The following CACNG4 variants were observed in gnomAD, a reference collection of about 807,000 sequenced individuals.
CACNG4 encodes calcium voltage-gated channel auxiliary subunit gamma 4.
CACNG4 carries 8 observed loss-of-function variants against 22.9 expected under a neutral mutation model. The ratio of observed to expected loss-of-function variants is 0.35; its 90% CI spans 0.21 to 0.63. The LOEUF (loss-of-function observed/expected upper bound fraction) is 0.63, where lower values mean the gene tolerates loss of function less well. Among genes scored for constraint, CACNG4 ranks in the 30% least tolerant of loss-of-function variants. The pLI, the probability that CACNG4 is intolerant of heterozygous loss-of-function variation, is 0.72. For synonymous variants in CACNG4, 188 were observed against 191.9 expected (o/e 0.98, Z 0.17); for missense variants, 357 against 455.4 (o/e 0.78, Z 1.97).
chr17:67,013,587 C>A (rs974153761), intron 1 of CACNG4, among the ~76,000 whole-genome samples: 1 of 151,942 alleles, frequency 6.6e-6, no homozygotes, highest in African/African-American at 2.4e-5. Flanking sequence ...GGTGGATCAC[C>A]TGAGGTCAGG....
chr17:66,989,693 G>C (rs574778660), intron 1 of CACNG4, among the ~76,000 whole-genome samples: 4 of 151,598 alleles, frequency 2.6e-5, no homozygotes, highest in Non-Finnish European at 5.9e-5. Flanking sequence ...CTCTCCAAGA[G>C]GGGGTAGCCT....
At chr17:67,004,088 G>T (rs145517486) in intron 1 of CACNG4, among the ~76,000 whole-genome samples, 1 of 152,118 alleles carries the variant, frequency 6.6e-6, no homozygotes, top group African/African-American at 2.4e-5. Context: ...GAGCTGTTTC[G>T]CCCTTTACAG....
In CACNG4 at chr17:67,027,025, A is replaced by G. The variant is rs1415378225; in HGVS notation, c.445+2025A>G. On this transcript the variant is annotated intron_variant, in intron 3 of 3. Transcript: ENST00000262138. The surrounding 1 kb of genome is among the most constrained non-coding windows in gnomAD (Gnocchi z 4.3). ...AACACTGCCCCAGAGCGTCCTCCCC[A>G]CGGCAGGGAGAGAATACTCCAGTCA... Among the ~76,000 whole-genome samples the G allele has an allele frequency of 6.6e-6, 1 of 151,944 alleles. No individual in the cohort carries two copies. The highest frequency in any genetic ancestry group is 6.5e-5 in the Admixed American group (1 of 15,268).
chr17:67,004,275 C>A (rs1488098393), intron 1 of CACNG4, among the ~76,000 whole-genome samples: 1 of 152,084 alleles, frequency 6.6e-6, no homozygotes, highest in Non-Finnish European at 1.5e-5. Context: ...AGAAAAGGAG[C>A]GGTTGGTTGG....
intron 1 of CACNG4, among the ~76,000 whole-genome samples, chr17:67,002,264 C>G (rs77361523): frequency 0.031 from 4,689 of 152,298 alleles, 230 homozygotes; most frequent in African/African-American, 0.11. Flanking sequence ...ATCTAATAGA[C>G]TTATTCACTA....
chr17:66,985,734 T>G (rs1422571636), intron 1 of CACNG4, among the ~76,000 whole-genome samples: 1 of 152,116 alleles, frequency 6.6e-6, no homozygotes, highest in African/African-American at 2.4e-5. Flanking sequence ...CTCAAAGAAA[T>G]CAGCGTCCAG....
intron 1 of CACNG4, among the ~76,000 whole-genome samples, chr17:66,965,452 C>T (rs1172570381): frequency 6.6e-6 from 1 of 151,228 alleles, no homozygotes; most frequent in Non-Finnish European, 1.5e-5. Flanking sequence ...AACTCAAGCA[C>T]GCGCGCGTAG....
rs919744450 is a variant in CACNG4 at position 67,027,157 on chromosome 17, T to C, written c.445+2157T>C. Among the ~76,000 whole-genome samples the C allele has an allele frequency of 1.6e-4, 24 of 152,116 alleles. 1 individual carries two copies. Among genetic ancestry groups the C allele is most frequent in the African/African-American group, 5.8e-4 (24 of 41,410 alleles). On this transcript the variant is annotated intron_variant, in intron 3 of 3. Transcript: ENST00000262138. The surrounding 1 kb of genome is among the most constrained non-coding windows in gnomAD (Gnocchi z 4.3). Reference sequence around the variant, plus strand: ...GGTCCAGCAGCTCAGGTGGCTTCCTTGAAGTCACACGCACAGTGGCAAAGA... The same window carrying C: ...GGTCCAGCAGCTCAGGTGGCTTCCTCGAAGTCACACGCACAGTGGCAAAGA...
chr17:66,964,803 C>T lies in CACNG4; in HGVS notation c.-109C>T. 2.7e-6 allele frequency: 1 copy of T among 371,228 alleles called. No individual in the cohort carries two copies. Among genetic ancestry groups the T allele is most frequent in the Non-Finnish European group, 3.7e-6 (1 of 272,910 alleles). 23.0% of individuals were successfully genotyped at this position (371,228 alleles called of 1,614,324 possible). A position where few individuals can be genotyped will look rare whatever the true frequency, so the allele number is the denominator to read the frequency against. On this transcript the variant is annotated 5_prime_UTR_variant, in exon 1 of 4. Coordinates refer to ENST00000262138, the MANE Select transcript of CACNG4 (RefSeq NM_014405.4). Reference sequence around the variant, plus strand: ...GAGCGCGCAGCGCGGCGCCGCCCCCCGGCCCTCGGCCCCCCAACCCCGGCG... The same window carrying T: ...GAGCGCGCAGCGCGGCGCCGCCCCCTGGCCCTCGGCCCCCCAACCCCGGCG...
chr17:66,989,987 C>A (rs1326711738), intron 1 of CACNG4, among the ~76,000 whole-genome samples: 3 of 152,208 alleles, frequency 2.0e-5, no homozygotes, highest in Admixed American at 6.5e-5. Context: ...CATTCATTTT[C>A]TTTGTGCTTC....
intron 1 of CACNG4, among the ~76,000 whole-genome samples, chr17:67,014,335 G>A (rs771495736): frequency 1.2e-4 from 18 of 152,128 alleles, no homozygotes; most frequent in Non-Finnish European, 2.1e-4. Flanking sequence ...CAGCGCTAAC[G>A]AAATTAAATT....
At chr17:66,997,267 G>T (rs1160926109) in intron 1 of CACNG4, among the ~76,000 whole-genome samples, 1 of 152,208 alleles carries the variant, frequency 6.6e-6, no homozygotes, top group Non-Finnish European at 1.5e-5. Context: ...GAGGCATCAA[G>T]GATGTGGAAT....
intron 1 of CACNG4, among the ~76,000 whole-genome samples, chr17:66,980,506 T>C (rs1056433354): frequency 2.6e-5 from 4 of 152,174 alleles, no homozygotes; most frequent in African/African-American, 4.8e-5. Context: ...CCTAGGAAAC[T>C]GTCCTGTGGC....
At position 67,031,450 on chromosome 17, in the gene CACNG4, C is replaced by T. The variant is rs1275551418; in HGVS notation, c.*446C>T. ...GGACGCCAAGAAGACGGTCTCTGGG[C>T]TCTTGTCAGCTGCTTTTGAACCTGA... On this transcript the variant is annotated 3_prime_UTR_variant, in exon 4 of 4. Transcript: ENST00000262138. The surrounding 1 kb of genome is among the most constrained non-coding windows in gnomAD (Gnocchi z 4.0). 5 of 459,482 alleles carry T rather than the reference C, an allele frequency of 1.1e-5. No individual in the cohort carries two copies. Among genetic ancestry groups the T allele is most frequent in the Non-Finnish European group, 2.2e-5 (5 of 228,792 alleles). 28.5% of individuals were successfully genotyped at this position (459,482 alleles called of 1,614,324 possible). A position where few individuals can be genotyped will look rare whatever the true frequency, so the allele number is the denominator to read the frequency against.
Position 67,022,789 on chromosome 17 carries a change from G to A in CACNG4, c.305-2071G>A, listed in dbSNP as rs557943809. ...AGGTGCTTGGGAAAGGCCGAGCTCT[G>A]GGCTTTCCTTTCCCAAGCCTTGCTT... is the stretch of plus-strand genomic sequence containing the variant. On this transcript the variant is annotated intron_variant, in intron 2 of 3. Coordinates refer to ENST00000262138, the MANE Select transcript of CACNG4 (RefSeq NM_014405.4). Among the ~76,000 whole-genome samples, 7 of 152,298 alleles carry A rather than the reference G, an allele frequency of 4.6e-5. No homozygotes were observed. The South Asian group carries it at 1.4e-3, about 32-fold the overall frequency.
In CACNG4 at chr17:67,027,968, T is replaced by A. The variant is rs1184110491; in HGVS notation, c.446-2498T>A. On this transcript the variant is annotated intron_variant, in intron 3 of 3. Coordinates refer to ENST00000262138, the MANE Select transcript of CACNG4 (RefSeq NM_014405.4). This position sits in a 1 kb window ranked among gnomAD's most constrained non-coding sequence, Gnocchi z 4.3. ...CTGGGAGGCGGAGGTTGCAATGAGC[T>A]GAGATCACGCCACTGCACTCCAGCC... Among the ~76,000 whole-genome samples, 1 of 151,272 alleles carries A rather than the reference T, an allele frequency of 6.6e-6. No individual in the cohort carries two copies. Among genetic ancestry groups the A allele is most frequent in the African/African-American group, 2.4e-5 (1 of 41,202 alleles).
chr17:66,999,618 G>A (rs554177896), intron 1 of CACNG4, among the ~76,000 whole-genome samples: 73 of 152,210 alleles, frequency 4.8e-4, no homozygotes, highest in Middle Eastern at 3.4e-3. Context: ...ATCAGATCTC[G>A]TGAGAACTCA....
chr17:67,021,367 T>C (rs79213817), intron 2 of CACNG4, among the ~76,000 whole-genome samples: 7,555 of 152,308 alleles, frequency 0.05, 271 homozygotes, highest in South Asian at 0.092. Context: ...GATGCCTGTT[T>C]CAGGCCAGCT....
intron 1 of CACNG4, among the ~76,000 whole-genome samples, chr17:66,998,254 G>T (rs921899848): frequency 6.6e-6 from 1 of 152,100 alleles, no homozygotes; most frequent in African/African-American, 2.4e-5. Context: ...ATGGAGTCTT[G>T]CTCTGTCCCC....
Sources: allele counts gnomAD v4.1 joint callset (sites outside exome capture counted in the v4.1 genomes callset), GRCh38; gene constraint gnomAD v4.1.1; non-coding constraint Gnocchi (gnomAD v3.1); transcripts MANE v1.5; gene names NCBI Gene and HGNC (gene_info 2026-07-23, HGNC 2026-07-21).